HECW2: variants seen among roughly 807,000 people sequenced by gnomAD.
The protein encoded by HECW2 is E3 ubiquitin-protein ligase HECW2.
HECW2 carries 61 observed loss-of-function variants against 175.2 expected under a neutral mutation model. The observed-to-expected ratio is 0.35, with a 90% confidence interval of 0.28 to 0.43. The LOEUF (loss-of-function observed/expected upper bound fraction) is 0.43. HECW2 is among the 20% of genes least tolerant of loss of function. HECW2 has a pLI of 1.00. For missense variants in HECW2, 1,524 were observed against 2,000.5 expected (o/e 0.76, Z 4.54); for synonymous variants, 671 against 731.0 (o/e 0.92, Z 1.32).
At chr2:196,326,576 T>C (rs762387234) in intron 5 of HECW2, among the ~76,000 whole-genome samples, 3 of 151,938 alleles carry the variant, frequency 2.0e-5, no homozygotes, top group Non-Finnish European at 4.4e-5. Flanking sequence ...CCTGAGTAGC[T>C]GGGATTACAG....
intron 23 of HECW2, among the ~76,000 whole-genome samples, chr2:196,223,947 CAG>C (rs1452759309): frequency 2.6e-5 from 4 of 152,242 alleles, no homozygotes; most frequent in African/African-American, 4.8e-5. Flanking sequence ...ATATCTAAAA[CAG>C]GGGTGACAAA....
At chr2:196,339,378 C>T (rs1575432843) in intron 3 of HECW2, among the ~76,000 whole-genome samples, 2 of 152,326 alleles carry the variant, frequency 1.3e-5, no homozygotes, top group African/African-American at 4.8e-5. Flanking sequence ...ATACATTTCC[C>T]AGGGCTGGGA....
At chr2:196,443,674 A>T (rs1696102312) in intron 1 of HECW2, among the ~76,000 whole-genome samples, 1 of 152,244 alleles carries the variant, frequency 6.6e-6, no homozygotes, top group Admixed American at 6.5e-5. Flanking sequence ...AAAAAAGAAG[A>T]AACGAAAACA....
At chr2:196,248,629 CACAG>C (rs1407060776) in intron 19 of HECW2, among the ~76,000 whole-genome samples, 2 of 149,762 alleles carry the variant, frequency 1.3e-5, no homozygotes, top group African/African-American at 5.0e-5. Flanking sequence ...CACACACACA[CACAG>C]AGAGAGACAG....
At chr2:196,399,767 C>T (rs1474679495) in intron 2 of HECW2, among the ~76,000 whole-genome samples, 2 of 152,224 alleles carry the variant, frequency 1.3e-5, no homozygotes, top group Admixed American at 1.3e-4. Context: ...GTAGGCCTAA[C>T]TAGTTTTCAA....
intron 2 of HECW2, among the ~76,000 whole-genome samples, chr2:196,359,438 CT>C (rs1693505918): frequency 6.6e-6 from 1 of 151,638 alleles, no homozygotes; most frequent in Non-Finnish European, 1.5e-5. Context: ...CAGAGCGAGA[CT>C]CCATCTTAAA....
intron 2 of HECW2, among the ~76,000 whole-genome samples, chr2:196,387,245 G>A (rs986817063): frequency 2.0e-5 from 3 of 152,106 alleles, no homozygotes; most frequent in South Asian, 2.1e-4. Context: ...GGGGTGCTAT[G>A]GTCTGGATGT....
chr2:196,528,348 T>C (rs1389343661), intron 1 of HECW2, among the ~76,000 whole-genome samples: 1 of 152,244 alleles, frequency 6.6e-6, no homozygotes, highest in East Asian at 1.9e-4. Context: ...CAGAGTCAAC[T>C]GTATTATTTT....
intron 2 of HECW2, among the ~76,000 whole-genome samples, chr2:196,422,588 G>A (rs1214163551): frequency 6.6e-6 from 1 of 152,066 alleles, no homozygotes; most frequent in Non-Finnish European, 1.5e-5. Flanking sequence ...CACGAGACAT[G>A]CAGCATTAGC....
chr2:196,316,916 C>G, intron 10 of HECW2: 1 of 205,716 alleles, frequency 4.9e-6, no homozygotes, highest in Non-Finnish European at 1.0e-5. Flanking sequence ...TGAGGTTTTT[C>G]TAAGAGAGTG....
intron 2 of HECW2, among the ~76,000 whole-genome samples, chr2:196,370,347 A>C (rs932007374): frequency 1.3e-5 from 2 of 152,142 alleles, no homozygotes; most frequent in Admixed American, 1.3e-4. Context: ...GGAAGCCTCA[A>C]GACTCTGTCT....
In HECW2 at chr2:196,292,871, C is replaced by T. The variant is rs146828258; in HGVS notation, c.2815-121G>A. On this transcript the variant is annotated intron_variant, in intron 13 of 28. Coordinates refer to ENST00000644978, the MANE Select transcript of HECW2 (RefSeq NM_001348768.2). Reference sequence around the variant, plus strand: ...AATGAAATGCATATATAAGCTTTGACAGAACTCTAGACCCATGTATGGAAA... The same window carrying T: ...AATGAAATGCATATATAAGCTTTGATAGAACTCTAGACCCATGTATGGAAA... 5 of 757,002 alleles carry T rather than the reference C, an allele frequency of 6.6e-6. No homozygotes were observed. In the East Asian group the frequency reaches 8.2e-5, roughly 12 times the overall value. The allele number at this position is 757,002 out of a possible 1,614,324, so 46.9% of individuals were successfully genotyped here.
chr2:196,222,139 T>C, intron 24 of HECW2, 72 bp downstream of exon 24: 1 of 1,354,590 alleles, frequency 7.4e-7, no homozygotes, highest in Non-Finnish European at 1.0e-6. Flanking sequence ...ATCTTAGCCA[T>C]GGAGTTAATT....
chr2:196,506,314 A>G (rs1203195863), intron 1 of HECW2, among the ~76,000 whole-genome samples: 1 of 152,236 alleles, frequency 6.6e-6, no homozygotes, highest in Admixed American at 6.5e-5. Flanking sequence ...GAATCTAGAA[A>G]ACAAATCAGA....
intron 21 of HECW2, among the ~76,000 whole-genome samples, chr2:196,230,068 A>C (rs560446928): frequency 3.5e-4 from 54 of 152,336 alleles, no homozygotes; most frequent in Non-Finnish European, 7.5e-4. Flanking sequence ...AGAGCCAAAG[A>C]GGCTGTAGGT....
intron 1 of HECW2, among the ~76,000 whole-genome samples, chr2:196,539,353 C>A (rs970442760): frequency 3.9e-5 from 6 of 152,204 alleles, no homozygotes; most frequent in African/African-American, 1.4e-4. Flanking sequence ...TTTACGTAGG[C>A]CGGACGCAGT....
chr2:196,294,230 T>C (rs1309135529), intron 13 of HECW2, among the ~76,000 whole-genome samples: 2 of 152,222 alleles, frequency 1.3e-5, no homozygotes, highest in African/African-American at 4.8e-5. Flanking sequence ...TCAATAAATA[T>C]TTATTGCATA....
intron 1 of HECW2, among the ~76,000 whole-genome samples, chr2:196,534,036 C>A (rs1688934440): frequency 2.6e-5 from 4 of 152,182 alleles, no homozygotes; most frequent in Admixed American, 1.3e-4. Flanking sequence ...TACTGTTGCA[C>A]ATTATTCCCA....
chr2:196,216,860 T>C (rs1203854020), intron 27 of HECW2, 148 bp downstream of exon 27: 1 of 545,782 alleles, frequency 1.8e-6, no homozygotes, highest in Non-Finnish European at 3.1e-6. Flanking sequence ...CACATAACCA[T>C]GCAATCAGGA....
Sources: allele counts gnomAD v4.1 joint callset (sites outside exome capture counted in the v4.1 genomes callset), GRCh38; gene constraint gnomAD v4.1.1; transcripts MANE v1.5; gene names NCBI Gene and HGNC (gene_info 2026-07-23, HGNC 2026-07-21).